COL6A1: variants seen among roughly 807,000 people sequenced by gnomAD.
COL6A1 encodes collagen type VI alpha 1 chain.
Under a neutral mutation model 145.6 loss-of-function variants are expected in COL6A1, and 80 were observed. That is an observed-to-expected ratio of 0.55 (90% CI 0.46 to 0.66). COL6A1 has a LOEUF of 0.66. COL6A1 is among the 30% of genes least tolerant of loss of function. COL6A1 has a pLI of 0.00. For synonymous variants in COL6A1, 638 were observed against 622.8 expected, an observed-to-expected ratio of 1.02 and a Z score of -0.36; for missense variants, 1,364 against 1,473.8, an observed-to-expected ratio of 0.93 and a Z score of 1.22.
intron 1 of COL6A1, among the ~76,000 whole-genome samples, 175 bp downstream of exon 1, chr21:45,982,122 G>A (rs548076718): frequency 6.6e-6 from 1 of 152,272 alleles, no homozygotes; most frequent in Admixed American, 6.5e-5. Flanking sequence ...ACCGGGCCTT[G>A]GCCGGGGCCC....
At chr21:45,986,009 G>C (rs1003421306) in intron 3 of COL6A1, among the ~76,000 whole-genome samples, 1 of 152,222 alleles carries the variant, frequency 6.6e-6, no homozygotes, top group Non-Finnish European at 1.5e-5. Context: ...TCCCCAGCAG[G>C]CTGCCCGACT....
At chr21:45,996,608 C>T (rs1426731244) in intron 20 of COL6A1, among the ~76,000 whole-genome samples, 2 of 152,216 alleles carry the variant, frequency 1.3e-5, no homozygotes, top group African/African-American at 4.8e-5. Flanking sequence ...GACAGGCGTC[C>T]GACCAGGCTC....
intron 3 of COL6A1, among the ~76,000 whole-genome samples, chr21:45,985,916 G>A (rs1026219721): frequency 2.0e-5 from 3 of 152,196 alleles, no homozygotes; most frequent in African/African-American, 7.2e-5. Context: ...GGCCACACAC[G>A]TCAGAGTGCG....
rs775893001 is a variant in COL6A1 at position 45,986,704 on chromosome 21, C to G, written c.588+19C>G. The G allele has an allele frequency of 6.5e-7, 1 of 1,542,084 alleles. No individual in the cohort carries two copies. The highest frequency in any genetic ancestry group is 1.2e-5 in the South Asian group (1 of 83,870). Reference sequence around the variant, plus strand: ...CCACCTGGTAGGCACCGGCCCCCCCCGGCAGATGCCCCCAACCACAGGGAG... The same window carrying G: ...CCACCTGGTAGGCACCGGCCCCCCCGGGCAGATGCCCCCAACCACAGGGAG... On this transcript the variant is annotated intron_variant, in intron 4 of 34. Coordinates refer to ENST00000361866, the MANE Select transcript of COL6A1 (RefSeq NM_001848.3).
In COL6A1 at chr21:45,989,100, C is replaced by T. The variant is rs201093313; in HGVS notation, c.821C>T (p.Pro274Leu). The T allele has an allele frequency of 9.3e-5, 150 of 1,611,268 alleles. No homozygotes were observed. The highest frequency in any genetic ancestry group is 1.2e-4 in the Non-Finnish European group (143 of 1,179,006). Residue 274 changes from proline (P) to leucine (L), a missense_variant, in exon 9 of 35, where the codon CCG (proline) becomes CTG (leucine). By Grantham distance (98) the Pro-to-Leu change is moderately conservative. Transcript: ENST00000361866. ...DPGFEGERGK[P>L]GLPGEKGEAG... ...GTGTTCCAGGGAGAACGAGGCAAGC[C>T]GGGGCTCCCAGGAGAGAAGGGAGAA...
At position 45,989,587 on chromosome 21, in the gene COL6A1, CCA is replaced by C. The variant is rs753368603; in HGVS notation, c.859-20_859-19del. On this transcript the variant is annotated intron_variant, in intron 9 of 34. Transcript: ENST00000361866. ...CCCCTGCTCCTCCGGGGGTGTCTCA[CCA>C]TCTCCTCCTGTGTTCCAGGGAAGAC... 536 of 1,612,112 alleles carry C rather than the reference CCA, an allele frequency of 3.3e-4. 2 individuals carry two copies. The African/African-American group carries it at 6.2e-3, about 19-fold the overall frequency.
rs890095327 is a variant in COL6A1 at position 45,990,367 on chromosome 21, C to T, written c.958-11C>T. 16 of 1,481,232 alleles carry T rather than the reference C, an allele frequency of 1.1e-5. No individual in the cohort carries two copies. Among genetic ancestry groups the T allele is most frequent in the Middle Eastern group, 3.6e-4 (2 of 5,484 alleles). The allele number at this position is 1,481,232 out of a possible 1,614,324, so 91.8% of individuals were successfully genotyped here. ...GCATCTGACTCCTGCCTTCGTTTTC[C>T]CGCCTCACAGGGAGAGAAGGGCAAG... is the stretch of plus-strand genomic sequence containing the variant. On this transcript the variant is annotated splice_polypyrimidine_tract_variant and intron_variant, in intron 12 of 34. Coordinates refer to ENST00000361866, the MANE Select transcript of COL6A1 (RefSeq NM_001848.3).
At position 46,001,981 on chromosome 21, in the gene COL6A1, C is replaced by T. The variant is rs121912937; in HGVS notation, c.1977C>T (p.Tyr659=). The change falls in exon 31 of 35, where the codon TAC becomes TAT. Residue 659 remains tyrosine (Y), a synonymous_variant. Coordinates refer to ENST00000361866, the MANE Select transcript of COL6A1 (RefSeq NM_001848.3). ...ELVKFEPGQS[Y]AGVVQYSHSQ... ...CACAGTTCGAGCCAGGGCAGTCGTA[C>T]GCGGGTGTGGTGCAGTACAGCCACA... 9.9e-6 allele frequency: 16 copies of T among 1,612,422 alleles called. No homozygotes were observed. The highest frequency in any genetic ancestry group is 2.2e-5 in the East Asian group (1 of 44,870).
intron 15 of COL6A1, 84 bp from the exon 16 acceptor site, chr21:45,991,926 G>C (rs775132064): frequency 3.8e-5 from 51 of 1,345,188 alleles, no homozygotes; most frequent in Non-Finnish European, 5.0e-5. Context: ...AAGTATGGGT[G>C]AGAGGCCCTG....
At chr21:46,000,995 G>A (rs111780573) in intron 29 of COL6A1, 4 of 707,766 alleles carry the variant, frequency 5.7e-6, no homozygotes, top group African/African-American at 3.5e-5. Context: ...AGCAGGCTTG[G>A]GGGGGTCCCT....
chr21:45,991,992 T>C lies in COL6A1; in HGVS notation c.1120-18T>C, dbSNP rs1569518320. ...GCACACCCCTGCCAGCGTGTGTGACTCCCCCGGTCTTCCCCAGGGCGAGCC... is the reference window on the plus strand; with the variant it reads ...GCACACCCCTGCCAGCGTGTGTGACCCCCCCGGTCTTCCCCAGGGCGAGCC... On this transcript the variant is annotated intron_variant, in intron 15 of 34. Transcript: ENST00000361866. 1 of 1,566,746 alleles carries C rather than the reference T, an allele frequency of 6.4e-7. No individual in the cohort carries two copies. The highest frequency in any genetic ancestry group is 1.2e-5 in the South Asian group (1 of 85,848).
rs756361379 is a variant in COL6A1, at chr21:45,987,654, G to C, written c.804G>C (p.Glu268Asp). 6.2e-7 allele frequency: 1 copy of C among 1,608,970 alleles called. No individual in the cohort carries two copies. Among genetic ancestry groups the C allele is most frequent in the Admixed American group, 1.7e-5 (1 of 59,874 alleles). Reference protein sequence around the residue: ...PPGLRGDPGFEGERGKPGLPG... With the variant: ...PPGLRGDPGFDGERGKPGLPG... The stretch of plus-strand genomic sequence containing the variant: ...GGCTCCGGGGCGACCCCGGCTTTGA[G>C]GTGAGTGGTGACTCCTGCTCCTCCC... Residue 268 changes from glutamate to aspartate, a missense_variant and splice_region_variant, in exon 8 of 35, where the codon GAG (glutamate) becomes GAC (aspartate). Coordinates refer to ENST00000361866, the MANE Select transcript of COL6A1 (RefSeq NM_001848.3).
intron 26 of COL6A1, chr21:45,999,439 G>A: frequency 1.3e-6 from 1 of 741,300 alleles, no homozygotes; most frequent in South Asian, 1.7e-5. Flanking sequence ...CGGGTCCTCA[G>A]GGTGGGGCCC....
Position 45,982,729 on chromosome 21 carries a change from T to G in COL6A1, c.193T>G (p.Phe65Val). The change falls in exon 2 of 35, where the codon TTC becomes GTC. Residue 65 changes from phenylalanine (F) to valine (V), a missense_variant. This residue lies in a region of COL6A1 where 414 missense variants were observed against 437.6 expected (regional missense o/e 0.95). Coordinates refer to ENST00000361866, the MANE Select transcript of COL6A1 (RefSeq NM_001848.3). ...GGCCCTCGTGGACAAAGTCAAGTCC[T>G]TCACCAAGCGCTTCATCGACAACCT... ...YGALVDKVKS[F>V]TKRFIDNLRD... The G allele has an allele frequency of 6.2e-7, 1 of 1,612,718 alleles. No individual in the cohort carries two copies. The highest frequency in any genetic ancestry group is 1.1e-5 in the South Asian group (1 of 91,078).
intron 2 of COL6A1, among the ~76,000 whole-genome samples, chr21:45,983,713 G>A (rs867932450): frequency 5.3e-5 from 8 of 152,276 alleles, no homozygotes; most frequent in East Asian, 1.9e-4. Context: ...GTGGCCCAGC[G>A]TCCCCCGAGT....
intron 2 of COL6A1, 89 bp downstream of exon 2, chr21:45,982,852 C>T (rs2077715898): frequency 2.6e-6 from 4 of 1,560,028 alleles, no homozygotes; most frequent in Non-Finnish European, 3.5e-6. Context: ...GGTGCGACGG[C>T]CTCAACCTCC....
Position 45,983,088 on chromosome 21 carries a change from G to A in COL6A1, c.227+325G>A, listed in dbSNP as rs187421346. On this transcript the variant is annotated intron_variant, in intron 2 of 34. Transcript: ENST00000361866. ...GAAGAGAGGCTCCCGCAGGCTGACC[G>A]AGAGGGCTCAGCGCACTGGCCCAGA... Among the ~76,000 whole-genome samples the A allele has an allele frequency of 3.3e-5, 5 of 152,322 alleles. 1 individual carries two copies. In the East Asian group the frequency reaches 7.7e-4, roughly 24 times the overall value.
intron 3 of COL6A1, among the ~76,000 whole-genome samples, chr21:45,985,327 CAG>C (rs969673765): frequency 3.3e-5 from 5 of 149,644 alleles, no homozygotes; most frequent in Non-Finnish European, 5.9e-5. Context: ...GAGATAGAAG[CAG>C]AGAGAGAGAG....
At chr21:45,982,521 C>T (rs544794538) in intron 1 of COL6A1, 113 bp from the exon 2 acceptor site, 248 of 1,504,870 alleles carry the variant, frequency 1.6e-4, no homozygotes, top group Non-Finnish European at 2.1e-5. Context: ...GAGAGCCTCT[C>T]CGGGCCCGGG....
Sources: allele counts gnomAD v4.1 joint callset (sites outside exome capture counted in the v4.1 genomes callset), GRCh38; gene constraint gnomAD v4.1.1; regional missense constraint gnomAD v4.1.1; transcripts MANE v1.5; gene names NCBI Gene and HGNC (gene_info 2026-07-23, HGNC 2026-07-21).